The following PTPRN2 variants were observed in gnomAD, a reference collection of about 807,000 sequenced individuals.
PTPRN2 encodes protein tyrosine phosphatase receptor type N2, also known as receptor-type tyrosine-protein phosphatase N2.
In PTPRN2, 74 loss-of-function variants were observed where a neutral mutation model predicts 118.8. That is an observed-to-expected ratio of 0.62 (90% CI 0.52 to 0.76). The LOEUF (loss-of-function observed/expected upper bound fraction) is 0.76, where lower values mean the gene tolerates loss of function less well. Among genes scored for constraint, PTPRN2 ranks in the 30% least tolerant of loss-of-function variants. PTPRN2 has a pLI of 0.00. For missense variants in PTPRN2, 1,481 were observed against 1,394.4 expected (o/e 1.06, Z -0.99); for synonymous variants, 641 against 608.0 (o/e 1.05, Z -0.80).
chr7:158,579,070 A>T (rs1828497890), intron 1 of PTPRN2, among the ~76,000 whole-genome samples: 1 of 152,048 alleles, frequency 6.6e-6, no homozygotes, highest in African/African-American at 2.4e-5. Context: ...GCCAAGTCCC[A>T]CTTCTTTTAT....
chr7:157,545,515 AGTGT>A (rs980501100), intron 22 of PTPRN2, among the ~76,000 whole-genome samples: 1 of 151,530 alleles, frequency 6.6e-6, no homozygotes, highest in Non-Finnish European at 1.5e-5. Flanking sequence ...GGGTGTACAC[AGTGT>A]GTGTGGCTGA....
chr7:157,720,811 T>C (rs541008816), intron 12 of PTPRN2, among the ~76,000 whole-genome samples: 1 of 152,352 alleles, frequency 6.6e-6, no homozygotes, highest in South Asian at 2.1e-4. Context: ...GAGACCCTCA[T>C]TTCCAGTCTT....
intron 12 of PTPRN2, among the ~76,000 whole-genome samples, chr7:157,852,189 A>G (rs538003740): frequency 6.6e-6 from 1 of 152,250 alleles, no homozygotes; most frequent in Non-Finnish European, 1.5e-5. Flanking sequence ...TATTTTGTCA[A>G]AAAAGTTCCA....
chr7:158,424,581 C>T (rs906521393), intron 2 of PTPRN2, among the ~76,000 whole-genome samples: 4 of 152,248 alleles, frequency 2.6e-5, no homozygotes, highest in Admixed American at 1.3e-4. Flanking sequence ...GGCTCATACA[C>T]ACATGCCAGC....
At chr7:157,775,132 C>T (rs564814287) in intron 12 of PTPRN2, among the ~76,000 whole-genome samples, 20 of 152,290 alleles carry the variant, frequency 1.3e-4, no homozygotes, top group Non-Finnish European at 2.6e-4. Context: ...CGAACAGTCT[C>T]GGAACGCCTC....
intron 1 of PTPRN2, among the ~76,000 whole-genome samples, chr7:158,552,561 T>C (rs1239790268): frequency 6.6e-6 from 1 of 152,196 alleles, no homozygotes; most frequent in Non-Finnish European, 1.5e-5. Flanking sequence ...GCGATTTTTC[T>C]GCCTCAGCCT....
rs181348118 is a variant in PTPRN2, at chr7:158,463,200, T to C, written c.163+26535A>G. 8.9e-3 allele frequency among the ~76,000 whole-genome samples: 1,348 copies of C among 152,298 alleles called. 25 individuals are homozygous for C. Among genetic ancestry groups the C allele is most frequent in the African/African-American group, 0.03 (1,254 of 41,560 alleles). On this transcript the variant is annotated intron_variant, in intron 2 of 22. Transcript: ENST00000389418. ...ACCAGGTAGACCAAGCCCCTCAATA[T>C]GCAAGTACAGAACTGGAGGGCCAAA...
intron 16 of PTPRN2, among the ~76,000 whole-genome samples, chr7:157,601,250 TG>T (rs1801650671): frequency 6.6e-6 from 1 of 152,208 alleles, no homozygotes; most frequent in Non-Finnish European, 1.5e-5. Context: ...TTCCCTGAAA[TG>T]TAATGAGGAC....
At chr7:158,133,550 C>T (rs946406452) in intron 9 of PTPRN2, 127 bp downstream of exon 9, 9 of 1,310,262 alleles carry the variant, frequency 6.9e-6, no homozygotes, top group Non-Finnish European at 9.2e-6. Context: ...GATGCCTGCA[C>T]CCCATTATTC....
At position 158,205,657 on chromosome 7, in the gene PTPRN2, A is replaced by G. The variant is rs114200509; in HGVS notation, c.278-384T>C. On this transcript the variant is annotated intron_variant, in intron 3 of 22. Transcript: ENST00000389418. Reference sequence around the variant, plus strand: ...GGTCACAGTACCTGGTTTTAACTCCATATCATTGAAAGAGGCACTGAAGAG... The same window carrying G: ...GGTCACAGTACCTGGTTTTAACTCCGTATCATTGAAAGAGGCACTGAAGAG... 8.9e-4 allele frequency among the ~76,000 whole-genome samples: 135 copies of G among 152,270 alleles called. 1 individual carries two copies. The highest frequency in any genetic ancestry group is 2.8e-3 in the African/African-American group (118 of 41,564).
intron 6 of PTPRN2, among the ~76,000 whole-genome samples, chr7:158,162,918 C>T (rs1822497184): frequency 1.3e-5 from 2 of 152,172 alleles, no homozygotes; most frequent in Non-Finnish European, 1.5e-5. Flanking sequence ...CCCGACCGTG[C>T]GACAGGAGGG....
chr7:157,846,332 G>C (rs1039838178), intron 12 of PTPRN2, among the ~76,000 whole-genome samples: 3 of 152,124 alleles, frequency 2.0e-5, no homozygotes, highest in African/African-American at 7.2e-5. Context: ...ATGAACCTAA[G>C]AACAGTCCGT....
At chr7:157,701,196 A>G (rs961657723) in intron 12 of PTPRN2, among the ~76,000 whole-genome samples, 2 of 152,196 alleles carry the variant, frequency 1.3e-5, no homozygotes, top group Admixed American at 6.5e-5. Flanking sequence ...GAAGCTGGTC[A>G]GTGGCAGAAT....
intron 12 of PTPRN2, among the ~76,000 whole-genome samples, chr7:157,833,562 G>A (rs370386746): frequency 2.3e-4 from 35 of 151,714 alleles, no homozygotes; most frequent in East Asian, 2.1e-3. Flanking sequence ...AGATGTGGCC[G>A]GTGCCCATCT....
At chr7:157,685,349 G>A (rs1797131982) in intron 12 of PTPRN2, among the ~76,000 whole-genome samples, 1 of 152,068 alleles carries the variant, frequency 6.6e-6, no homozygotes, top group Non-Finnish European at 1.5e-5. Flanking sequence ...GCCCCGCGCC[G>A]TGAGGCCCAC....
chr7:158,001,936 T>C (rs1008809660), intron 11 of PTPRN2, among the ~76,000 whole-genome samples: 7 of 152,212 alleles, frequency 4.6e-5, no homozygotes, highest in African/African-American at 1.7e-4. Flanking sequence ...GAGATCCTCC[T>C]CCAGCCGGAA....
intron 3 of PTPRN2, among the ~76,000 whole-genome samples, chr7:158,294,941 C>T (rs117827648): frequency 0.068 from 9,401 of 138,512 alleles, 389 homozygotes; most frequent in Middle Eastern, 0.12. Context: ...GTGGTTCACC[C>T]ACCTTTCTGA....
At chr7:158,318,267 GGGA>G (rs1227037064) in intron 2 of PTPRN2, among the ~76,000 whole-genome samples, 1 of 152,210 alleles carries the variant, frequency 6.6e-6, no homozygotes, top group Non-Finnish European at 1.5e-5. Flanking sequence ...TGGGAAAGGG[GGGA>G]GGAGGGAGAA....
rs1464847232 is a variant in PTPRN2 at position 157,761,746 on chromosome 7, C to A, written c.1789-78809G>T. 2.7e-5 allele frequency among the ~76,000 whole-genome samples: 4 copies of A among 149,094 alleles called. 2 individuals are homozygous for A. The highest frequency in any genetic ancestry group is 1.0e-4 in the African/African-American group (4 of 39,820). On this transcript the variant is annotated intron_variant, in intron 12 of 22. Transcript: ENST00000389418. Reference sequence around the variant, plus strand: ...AATGGCAACAGAAGACAAAATTGACCAATGGGATCTAATTAAACTAAAGAG... The same window carrying A: ...AATGGCAACAGAAGACAAAATTGACAAATGGGATCTAATTAAACTAAAGAG...
Sources: gnomAD v4.1 joint callset for allele counts (sites outside exome capture counted in the v4.1 genomes callset) on GRCh38, gnomAD v4.1.1 for gene constraint, MANE v1.5 for transcripts, NCBI Gene and HGNC (gene_info 2026-07-23, HGNC 2026-07-21) for gene names.